GRIK2: variants seen among roughly 807,000 people sequenced by gnomAD.
The protein encoded by GRIK2 is glutamate ionotropic receptor kainate type subunit 2.
GRIK2 carries 32 observed loss-of-function variants against 100.3 expected under a neutral mutation model. The observed-to-expected ratio is 0.32, with a 90% CI of 0.24 to 0.43. GRIK2 has a LOEUF of 0.43. Ranked by LOEUF, GRIK2 falls within the 20% of genes least tolerant of loss-of-function variation. GRIK2 has a pLI of 1.00. For missense variants in GRIK2, 843 were observed against 1,114.9 expected (o/e 0.76, Z 3.47); for synonymous variants, 417 against 389.4 (o/e 1.07, Z -0.83).
intron 1 of GRIK2, among the ~76,000 whole-genome samples, chr6:101,394,791 A>C (rs1170326596): frequency 6.6e-6 from 1 of 152,248 alleles, no homozygotes; most frequent in African/African-American, 2.4e-5. Context: ...GCAGCCTATC[A>C]ACTTCCAGTG....
intron 11 of GRIK2, among the ~76,000 whole-genome samples, chr6:101,865,478 A>G (rs1784992971): frequency 6.6e-6 from 1 of 152,216 alleles, no homozygotes; most frequent in Non-Finnish European, 1.5e-5. Context: ...GAAACACTAA[A>G]TCAAAAGCAG....
chr6:101,706,792 C>T (rs1773333110), intron 7 of GRIK2, among the ~76,000 whole-genome samples: 1 of 151,934 alleles, frequency 6.6e-6, no homozygotes, highest in Admixed American at 6.6e-5. Flanking sequence ...GGCTGCCAAG[C>T]TCAATCACTG....
At chr6:101,557,188 A>G (rs1776788095) in intron 2 of GRIK2, among the ~76,000 whole-genome samples, 1 of 152,160 alleles carries the variant, frequency 6.6e-6, no homozygotes, top group Non-Finnish European at 1.5e-5. Context: ...ATGCACTGTT[A>G]ATTATTCTTT....
chr6:101,697,960 T>A (rs2128350456), intron 7 of GRIK2, among the ~76,000 whole-genome samples: 1 of 152,246 alleles, frequency 6.6e-6, no homozygotes, highest in East Asian at 1.9e-4. Flanking sequence ...TTAGTGCAGA[T>A]GCTACTATGT....
intron 2 of GRIK2, among the ~76,000 whole-genome samples, chr6:101,499,207 A>G (rs1773619442): frequency 6.6e-6 from 1 of 152,184 alleles, no homozygotes; most frequent in Non-Finnish European, 1.5e-5. Context: ...AGGTGTGTTC[A>G]CAAAAGACTT....
intron 1 of GRIK2, among the ~76,000 whole-genome samples, chr6:101,395,748 CA>C (rs1287118758): frequency 6.6e-6 from 1 of 152,024 alleles, no homozygotes; most frequent in East Asian, 1.9e-4. Context: ...GTCAATTTAT[CA>C]TAGGTTTGAT....
At chr6:101,557,673 AAGAAT>A (rs1266024857) in intron 2 of GRIK2, among the ~76,000 whole-genome samples, 1 of 152,156 alleles carries the variant, frequency 6.6e-6, no homozygotes, top group Non-Finnish European at 1.5e-5. Flanking sequence ...GCCGCTCTAT[AAGAAT>A]AGAAGTCTCT....
At chr6:101,753,596 A>G (rs1776938622) in intron 7 of GRIK2, among the ~76,000 whole-genome samples, 1 of 152,094 alleles carries the variant, frequency 6.6e-6, no homozygotes, top group Admixed American at 6.6e-5. Flanking sequence ...CTATGTCTTT[A>G]CTTTTAAAGG....
chr6:101,850,912 G>A (rs1475971484), intron 10 of GRIK2, among the ~76,000 whole-genome samples: 2 of 151,906 alleles, frequency 1.3e-5, no homozygotes, highest in Admixed American at 6.6e-5. Flanking sequence ...CTTCTCTTAC[G>A]TGAGGTTATT....
At chr6:101,882,777 T>C (rs1237450964) in intron 11 of GRIK2, among the ~76,000 whole-genome samples, 1 of 152,132 alleles carries the variant, frequency 6.6e-6, no homozygotes, top group Non-Finnish European at 1.5e-5. Flanking sequence ...ATGGGAAATA[T>C]ACAATTTAAA....
chr6:101,633,805 G>A (rs1015129922), intron 4 of GRIK2, among the ~76,000 whole-genome samples: 1 of 152,178 alleles, frequency 6.6e-6, no homozygotes, highest in Non-Finnish European at 1.5e-5. Context: ...GAAGAAACAC[G>A]TAGCTTGTAA....
intron 4 of GRIK2, among the ~76,000 whole-genome samples, chr6:101,662,467 G>A (rs757636771): frequency 5.3e-5 from 8 of 152,084 alleles, no homozygotes; most frequent in Non-Finnish European, 1.0e-4. Flanking sequence ...TGTTTTAACT[G>A]ATTGCAACTA....
At chr6:101,447,803 T>C (rs1239762178) in intron 2 of GRIK2, among the ~76,000 whole-genome samples, 2 of 151,670 alleles carry the variant, frequency 1.3e-5, no homozygotes, top group African/African-American at 4.8e-5. Flanking sequence ...TTTGGCCAAA[T>C]AGAACTAATG....
At chr6:101,812,447 G>A (rs1317916849) in intron 9 of GRIK2, among the ~76,000 whole-genome samples, 2 of 151,876 alleles carry the variant, frequency 1.3e-5, no homozygotes, top group African/African-American at 4.8e-5. Context: ...CAATACATAA[G>A]TGGCATTTCT....
intron 2 of GRIK2, among the ~76,000 whole-genome samples, chr6:101,567,229 A>G (rs933625485): frequency 6.6e-6 from 1 of 151,800 alleles, no homozygotes; most frequent in Non-Finnish European, 1.5e-5. Context: ...ATTTTCTTAT[A>G]GTTTGATTCT....
At chr6:101,504,958 A>G (rs959162962) in intron 2 of GRIK2, among the ~76,000 whole-genome samples, 1 of 152,030 alleles carries the variant, frequency 6.6e-6, no homozygotes, top group African/African-American at 2.4e-5. Flanking sequence ...TTAAGTCAGT[A>G]CTTTTTGAAA....
chr6:102,059,932 A>C (rs147422942), intron 16 of GRIK2, among the ~76,000 whole-genome samples: 290 of 150,424 alleles, frequency 1.9e-3, no homozygotes, highest in African/African-American at 6.9e-3. Context: ...ACATAAAAAA[A>C]ATCTTAAGAT....
intron 7 of GRIK2, among the ~76,000 whole-genome samples, chr6:101,710,206 AT>A (rs1434002818): frequency 6.6e-6 from 1 of 151,794 alleles, no homozygotes; most frequent in Non-Finnish European, 1.5e-5. Context: ...TGTAAATGTC[AT>A]CTCCTGTGAT....
At chr6:101,698,855 T>C (rs1479551669) in intron 7 of GRIK2, among the ~76,000 whole-genome samples, 1 of 152,144 alleles carries the variant, frequency 6.6e-6, no homozygotes, top group Admixed American at 6.6e-5. Flanking sequence ...TGAGCATTTA[T>C]CTACTTTTTG....
Sources: gnomAD v4.1 joint callset for allele counts (sites outside exome capture counted in the v4.1 genomes callset) on GRCh38, gnomAD v4.1.1 for gene constraint, MANE v1.5 for transcripts, NCBI Gene and HGNC (gene_info 2026-07-23, HGNC 2026-07-21) for gene names.